Variants in RBPJ observed in about 807,000 individuals in gnomAD.
RBPJ encodes the protein recombination signal binding protein for immunoglobulin kappa J region.
Under a neutral mutation model 67.8 loss-of-function variants are expected in RBPJ, and 9 were observed. The observed-to-expected ratio is 0.13, with a 90% CI of 0.08 to 0.23. The LOEUF is 0.23. Ranked by LOEUF, RBPJ falls within the 10% of genes least tolerant of loss-of-function variation. The pLI is 1.00. For synonymous variants in RBPJ, 198 were observed against 203.3 expected (o/e 0.97, Z 0.22); for missense variants, 305 against 595.6 (o/e 0.51, Z 5.08).
chr4:26,182,934 A>G (rs923942519), intron 1 of RBPJ, among the ~76,000 whole-genome samples: 3 of 152,222 alleles, frequency 2.0e-5, no homozygotes, highest in Non-Finnish European at 4.4e-5. Flanking sequence ...AATAACATGC[A>G]TAGAACTGTC....
intron 5 of RBPJ, among the ~76,000 whole-genome samples, chr4:26,421,114 T>C (rs558492678): frequency 1.3e-4 from 20 of 152,192 alleles, no homozygotes; most frequent in Non-Finnish European, 2.4e-4. Context: ...AAGTACCCCT[T>C]TGAAAAACGC....
chr4:26,165,117 G>A (rs1166996754), intron 1 of RBPJ, among the ~76,000 whole-genome samples: 2 of 151,810 alleles, frequency 1.3e-5, no homozygotes, highest in African/African-American at 4.8e-5. Flanking sequence ...TCTTTATTAT[G>A]CAAAAAAATT....
At chr4:26,392,836 C>G (rs977359812) in intron 2 of RBPJ, among the ~76,000 whole-genome samples, 3 of 152,168 alleles carry the variant, frequency 2.0e-5, no homozygotes, top group African/African-American at 7.2e-5. Context: ...CTGTTAAAAA[C>G]TTAGAAGCTT....
chr4:26,413,550 ATAAT>A (rs1734252809), intron 3 of RBPJ, among the ~76,000 whole-genome samples: 1 of 152,222 alleles, frequency 6.6e-6, no homozygotes, highest in Non-Finnish European at 1.5e-5. Context: ...GATATAATAA[ATAAT>A]TTGGAGAATT....
intron 1 of RBPJ, among the ~76,000 whole-genome samples, chr4:26,175,998 G>A (rs1043806459): frequency 1.3e-5 from 2 of 152,122 alleles, no homozygotes; most frequent in Non-Finnish European, 2.9e-5. Context: ...CAGGGCTTTC[G>A]GGTAAATCTC....
chr4:26,219,769 TTTG>T (rs775533836), intron 1 of RBPJ, among the ~76,000 whole-genome samples: 10 of 152,176 alleles, frequency 6.6e-5, no homozygotes, highest in East Asian at 1.9e-4. Context: ...TCAGGTTTTT[TTTG>T]TTGTTGTTGT....
chr4:26,235,936 T>C (rs79293192), intron 1 of RBPJ, among the ~76,000 whole-genome samples: 3,602 of 152,276 alleles, frequency 0.024, 139 homozygotes, highest in African/African-American at 0.082. Flanking sequence ...CTTCCAAATA[T>C]CCAGTGCCTA....
chr4:26,309,947 A>C (rs1252459207), intron 1 of RBPJ, among the ~76,000 whole-genome samples: 1 of 152,222 alleles, frequency 6.6e-6, no homozygotes, highest in Non-Finnish European at 1.5e-5. Context: ...TCTTTTCACC[A>C]AATGTGCATT....
intron 1 of RBPJ, among the ~76,000 whole-genome samples, chr4:26,370,475 A>G (rs767457484): frequency 2.0e-5 from 3 of 152,168 alleles, no homozygotes; most frequent in Non-Finnish European, 4.4e-5. Flanking sequence ...AGATCTGAAC[A>G]TGGTGTATCA....
upstream of RBPJ, among the ~76,000 whole-genome samples, chr4:26,316,608 A>ATT (rs1274623471): frequency 4.4e-4 from 62 of 141,396 alleles, no homozygotes; most frequent in African/African-American, 1.5e-3. Flanking sequence ...ATATATATAC[A>ATT]CATATTGATA....
At chr4:26,404,635 G>A (rs1733204557) in intron 2 of RBPJ, among the ~76,000 whole-genome samples, 1 of 152,094 alleles carries the variant, frequency 6.6e-6, no homozygotes, top group African/African-American at 2.4e-5. Flanking sequence ...TATCTTTTTG[G>A]ATTATGAGGA....
At chr4:26,167,032 G>T (rs1716340894) in intron 1 of RBPJ, among the ~76,000 whole-genome samples, 1 of 152,112 alleles carries the variant, frequency 6.6e-6, no homozygotes, top group African/African-American at 2.4e-5. Flanking sequence ...TTGTAGATAT[G>T]TGGCATTATT....
Position 26,214,763 on chromosome 4 carries a change from A to AAAAAGAAAGAAAG in RBPJ, c.-167+51153_-167+51154insGAAAGAAAGAAAA, listed in dbSNP as rs1718592522. 3.7e-5 allele frequency among the ~76,000 whole-genome samples: 2 copies of AAAAAGAAAGAAAG among 54,092 alleles called. 1 individual carries two copies. The highest frequency in any genetic ancestry group is 6.5e-5 in the Non-Finnish European group (2 of 30,568). 35.5% of individuals were successfully genotyped at this position (54,092 alleles called of 152,430 possible). A position where few individuals can be genotyped will look rare whatever the true frequency, so the allele number is the denominator to read the frequency against. ...GAGAGAGAGAAAGAGAAAAAGAGAGAAAAAAGAGAAAGAAAGAAAGAAAAA... is the reference window on the plus strand; with the variant it reads ...GAGAGAGAGAAAGAGAAAAAGAGAGAAAAAGAAAGAAAGAAAAAGAGAAAGAAAGAAAGAAAAA... On this transcript the variant is annotated intron_variant, in intron 1 of 4. Transcript: ENST00000512351.
chr4:26,316,371 A>G (rs1413137417), upstream of RBPJ, among the ~76,000 whole-genome samples: 1 of 145,822 alleles, frequency 6.9e-6, no homozygotes, highest in East Asian at 1.9e-4. Flanking sequence ...ATTCATATAT[A>G]CATTCATATA....
At position 26,302,796 on chromosome 4, in the gene RBPJ, C is replaced by T. The variant is rs28728465; in HGVS notation, c.-166-59650C>T. ...TCATCTCCATTTGAAGTCTCTTGGA[C>T]TAAGTTGGCGCTCAATGATTCCAGC... On this transcript the variant is annotated intron_variant, in intron 1 of 4. Transcript: ENST00000512351. Among the ~76,000 whole-genome samples, 1,127 of 152,256 alleles carry T rather than the reference C, an allele frequency of 7.4e-3. 13 individuals carry two copies. The highest frequency in any genetic ancestry group is 0.025 in the African/African-American group (1,058 of 41,548).
At chr4:26,401,928 G>GCC (rs1244336677) in intron 2 of RBPJ, among the ~76,000 whole-genome samples, 1 of 112,610 alleles carries the variant, frequency 8.9e-6, no homozygotes, top group Non-Finnish European at 1.7e-5. Flanking sequence ...CACTCTTGTT[G>GCC]CCCAGGCTGG....
chr4:26,106,377 G>A, the RBPJ span, among the ~76,000 whole-genome samples: 67 of 152,276 alleles, frequency 4.4e-4, no homozygotes, highest in African/African-American at 1.4e-3. Context: ...ACACCACTAC[G>A]GCAGAATTAG....
intron 2 of RBPJ, among the ~76,000 whole-genome samples, chr4:26,398,752 T>G (rs976659627): frequency 9.9e-5 from 15 of 152,178 alleles, no homozygotes; most frequent in Non-Finnish European, 7.4e-5. Context: ...TAGCTCAGAC[T>G]ACAGGCGTCT....
intron 1 of RBPJ, among the ~76,000 whole-genome samples, chr4:26,338,850 G>C (rs1725191159): frequency 6.6e-6 from 1 of 152,092 alleles, no homozygotes; most frequent in Non-Finnish European, 1.5e-5. Context: ...TGGGATTACA[G>C]GTGTGAGGCC....
Sources: gnomAD v4.1 joint callset for allele counts (sites outside exome capture counted in the v4.1 genomes callset) on GRCh38, gnomAD v4.1.1 for gene constraint, MANE v1.5 for transcripts, NCBI Gene and HGNC (gene_info 2026-07-23, HGNC 2026-07-21) for gene names.